WDPCP: variants seen among roughly 807,000 people sequenced by gnomAD.
The protein encoded by WDPCP is WD repeat-containing and planar cell polarity effector protein fritz homolog.
Under a neutral mutation model 93.1 loss-of-function variants are expected in WDPCP, and 71 were observed. The ratio of observed to expected loss-of-function variants is 0.76; its 90% CI spans 0.63 to 0.93. The LOEUF (loss-of-function observed/expected upper bound fraction) is 0.93, where lower values mean the gene tolerates loss of function less well. Among genes scored for constraint, WDPCP ranks in the 40% least tolerant of loss-of-function variants. The pLI is 0.00. For missense variants in WDPCP, 844 were observed against 887.4 expected (o/e 0.95, Z 0.62); for synonymous variants, 315 against 315.0 (o/e 1.00, Z 0.00).
upstream of WDPCP, among the ~76,000 whole-genome samples, chr2:63,592,814 AG>A (rs1254376417): frequency 2.0e-5 from 3 of 152,306 alleles, no homozygotes; most frequent in East Asian, 5.8e-4. Flanking sequence ...GTGTTGTTCT[AG>A]GCAATTGAGA....
Position 63,367,093 on chromosome 2 carries a change from C to T in WDPCP, c.1748+11293G>A, listed in dbSNP as rs370635857. Among the ~76,000 whole-genome samples the T allele has an allele frequency of 2.1e-4, 31 of 150,710 alleles. No homozygotes were observed. In the East Asian group the frequency reaches 3.1e-3, roughly 15 times the overall value. On this transcript the variant is annotated intron_variant, in intron 12 of 17. Coordinates refer to ENST00000272321, the MANE Select transcript of WDPCP (RefSeq NM_015910.7). ...ATATATATGAAATATATGCAATCAT[C>T]ATTTGTAAAAAAAAAATTAAAGCAG...
At chr2:63,445,842 C>G (rs1697822852) in intron 6 of WDPCP, among the ~76,000 whole-genome samples, 1 of 152,070 alleles carries the variant, frequency 6.6e-6, no homozygotes. Context: ...TTACAGAAGA[C>G]TTTTATATGC....
intron 1 of WDPCP, among the ~76,000 whole-genome samples, chr2:63,511,074 G>C (rs937399981): frequency 6.6e-5 from 10 of 152,124 alleles, no homozygotes; most frequent in African/African-American, 2.4e-4. Flanking sequence ...AAATCAATGT[G>C]CAAAAGTCAC....
At chr2:63,184,955 A>G (rs889310209) in intron 14 of WDPCP, among the ~76,000 whole-genome samples, 22 of 151,948 alleles carry the variant, frequency 1.4e-4, no homozygotes, top group Non-Finnish European at 3.1e-4. Flanking sequence ...ATTTTCTTCA[A>G]ATTTTGAGAT....
intron 15 of WDPCP, among the ~76,000 whole-genome samples, chr2:63,163,005 C>T (rs1258130134): frequency 1.3e-5 from 2 of 152,160 alleles, no homozygotes; most frequent in East Asian, 1.9e-4. Flanking sequence ...GGAGAACTAA[C>T]TGCAGTTCCA....
chr2:63,518,286 T>C (rs527745873), intron 1 of WDPCP: 2 of 151,942 alleles, frequency 1.3e-5, no homozygotes, highest in East Asian at 3.9e-4. Flanking sequence ...GCACTGGGAG[T>C]GGACAGAGGG....
chr2:63,419,939 A>G (rs962919312), intron 9 of WDPCP, among the ~76,000 whole-genome samples: 1 of 152,174 alleles, frequency 6.6e-6, no homozygotes, highest in Non-Finnish European at 1.5e-5. Flanking sequence ...TTGCTATTAC[A>G]ATCATTTAAA....
chr2:63,380,320 T>C (rs1322380672), intron 11 of WDPCP, among the ~76,000 whole-genome samples: 1 of 152,100 alleles, frequency 6.6e-6, no homozygotes, highest in Non-Finnish European at 1.5e-5. Context: ...CAGGCAGCAA[T>C]ATTATAGTAG....
chr2:63,467,471 CA>C, intron 6 of WDPCP, among the ~76,000 whole-genome samples: 1 of 151,240 alleles, frequency 6.6e-6, no homozygotes, highest in East Asian at 1.9e-4. Context: ...GACCCCATCT[CA>C]AAAAAACAAA....
intron 11 of WDPCP, among the ~76,000 whole-genome samples, chr2:63,379,819 G>GA (rs1349984219): frequency 2.9e-4 from 44 of 152,046 alleles, no homozygotes; most frequent in Non-Finnish European, 5.0e-4. Flanking sequence ...TCTCAAGAGA[G>GA]AAAAAAAATT....
At chr2:63,444,114 G>T (rs1697682488) in intron 6 of WDPCP, among the ~76,000 whole-genome samples, 1 of 152,076 alleles carries the variant, frequency 6.6e-6, no homozygotes, top group East Asian at 1.9e-4. Flanking sequence ...TTTAAAAAAT[G>T]AGTGGAAAGA....
intron 10 of WDPCP, among the ~76,000 whole-genome samples, chr2:63,386,401 G>T (rs1291340375): frequency 6.6e-6 from 1 of 151,982 alleles, no homozygotes; most frequent in Non-Finnish European, 1.5e-5. Context: ...TTGGGCAAAA[G>T]ATTTGAAGAC....
chr2:63,764,485 A>G (rs1670110039), intron 2 of WDPCP, among the ~76,000 whole-genome samples: 1 of 152,180 alleles, frequency 6.6e-6, no homozygotes, highest in Admixed American at 6.5e-5. Flanking sequence ...CCAAAATGTC[A>G]ACTGAGTTTT....
At chr2:63,563,993 G>T (rs532099352) in intron 1 of WDPCP, among the ~76,000 whole-genome samples, 1 of 152,196 alleles carries the variant, frequency 6.6e-6, no homozygotes, top group African/African-American at 2.4e-5. Context: ...CTTTAAAAGG[G>T]TGAGTTTTAG....
intron 3 of WDPCP, among the ~76,000 whole-genome samples, chr2:63,598,603 A>G (rs1306081367): frequency 6.6e-6 from 1 of 152,208 alleles, no homozygotes. Context: ...TCTATCAATA[A>G]CATTTCATAG....
intron 14 of WDPCP, among the ~76,000 whole-genome samples, chr2:63,245,953 T>C (rs965378579): frequency 2.0e-5 from 3 of 152,124 alleles, no homozygotes; most frequent in African/African-American, 7.2e-5. Flanking sequence ...TTTGTGGTGA[T>C]AAAGCATCTG....
At chr2:63,455,055 C>T (rs1249869022) in intron 6 of WDPCP, among the ~76,000 whole-genome samples, 1 of 152,042 alleles carries the variant, frequency 6.6e-6, no homozygotes, top group East Asian at 1.9e-4. Flanking sequence ...CAAGGGAGTC[C>T]TAACCCTGGA....
intron 1 of WDPCP, among the ~76,000 whole-genome samples, chr2:63,585,584 T>C (rs575370759): frequency 2.6e-5 from 4 of 152,246 alleles, no homozygotes; most frequent in South Asian, 2.1e-4. Flanking sequence ...TATGGTAAAG[T>C]ACATATTTCT....
At chr2:63,740,595 G>A (rs550557368) in intron 2 of WDPCP, among the ~76,000 whole-genome samples, 11 of 152,234 alleles carry the variant, frequency 7.2e-5, no homozygotes, top group South Asian at 2.1e-4. Context: ...AAGCCACAAA[G>A]TATATTATGA....
Sources: gnomAD v4.1 joint callset for allele counts (sites outside exome capture counted in the v4.1 genomes callset) on GRCh38, gnomAD v4.1.1 for gene constraint, MANE v1.5 for transcripts, NCBI Gene and HGNC (gene_info 2026-07-23, HGNC 2026-07-21) for gene names.